Variants in MAPKAP1 observed in about 807,000 individuals in gnomAD.
MAPKAP1 encodes the protein MAPK associated protein 1.
MAPKAP1 carries 20 observed loss-of-function variants against 65.7 expected under a neutral mutation model. That is an observed-to-expected ratio of 0.30 (90% confidence interval 0.21 to 0.44). The LOEUF (loss-of-function observed/expected upper bound fraction) is 0.44, where lower values mean the gene tolerates loss of function less well. Among genes scored for constraint, MAPKAP1 ranks in the 20% least tolerant of loss-of-function variants. The pLI is 1.00. For missense variants in MAPKAP1, 423 were observed against 648.0 expected, an observed-to-expected ratio of 0.65 and a Z score of 3.77; for synonymous variants, 222 against 244.3, an observed-to-expected ratio of 0.91 and a Z score of 0.85.
chr9:125,624,693 G>A (rs1833042260), intron 4 of MAPKAP1, among the ~76,000 whole-genome samples: 1 of 74,766 alleles, frequency 1.3e-5, no homozygotes, highest in African/African-American at 4.8e-5. Context: ...CCCCTACTGG[G>A]AAGTGAGGAG....
intron 2 of MAPKAP1, among the ~76,000 whole-genome samples, chr9:125,670,479 C>G (rs1017384168): frequency 3.9e-5 from 6 of 152,118 alleles, no homozygotes; most frequent in African/African-American, 1.4e-4. Flanking sequence ...TGATTTGTAT[C>G]TTTGTAACAT....
At chr9:125,517,006 T>G (rs1270293320) in intron 7 of MAPKAP1, among the ~76,000 whole-genome samples, 2 of 152,192 alleles carry the variant, frequency 1.3e-5, no homozygotes, top group Non-Finnish European at 2.9e-5. Context: ...CGCATCTTCA[T>G]AAAACTCTAT....
intron 8 of MAPKAP1, among the ~76,000 whole-genome samples, chr9:125,505,696 G>C (rs1205155427): frequency 6.6e-6 from 1 of 152,212 alleles, no homozygotes; most frequent in East Asian, 1.9e-4. Flanking sequence ...GAGCATTCCA[G>C]GTGGAAGAAA....
At chr9:125,650,278 T>G (rs138206890) in intron 4 of MAPKAP1, 2 of 152,316 alleles carry the variant, frequency 1.3e-5, no homozygotes, top group African/African-American at 4.8e-5. Context: ...TCAAAACAAA[T>G]TTGATTACCT....
chr9:125,555,220 G>A (rs1326671853), intron 6 of MAPKAP1, among the ~76,000 whole-genome samples: 1 of 152,130 alleles, frequency 6.6e-6, no homozygotes, highest in Non-Finnish European at 1.5e-5. Context: ...GATAAACATT[G>A]AGACTTTAGG....
chr9:125,589,757 A>G (rs1831897861), intron 4 of MAPKAP1, among the ~76,000 whole-genome samples: 1 of 152,134 alleles, frequency 6.6e-6, no homozygotes, highest in Admixed American at 6.5e-5. Flanking sequence ...CCTCAGCCTC[A>G]TCTGTATGTT....
In MAPKAP1 at chr9:125,547,245, A is replaced by C. The variant is rs372732786; in HGVS notation, c.849-4077T>G. ...CAGTAAGCGAGAGGCAATGGGAGCC[A>C]CGGAGCCCACAGGGACACAGGTCTT... is the stretch of plus-strand genomic sequence containing the variant. On this transcript the variant is annotated intron_variant, in intron 6 of 11. Coordinates refer to ENST00000265960, the MANE Select transcript of MAPKAP1 (RefSeq NM_001006617.3). 8.3e-4 allele frequency among the ~76,000 whole-genome samples: 127 copies of C among 152,332 alleles called. 2 individuals carry two copies. The South Asian group carries it at 0.025, about 30-fold the overall frequency.
chr9:125,636,150 C>T (rs1416869470), intron 4 of MAPKAP1, among the ~76,000 whole-genome samples: 1 of 152,104 alleles, frequency 6.6e-6, no homozygotes, highest in Non-Finnish European at 1.5e-5. Flanking sequence ...TCAGAGTGAA[C>T]CCTGGGGAAC....
intron 8 of MAPKAP1, among the ~76,000 whole-genome samples, chr9:125,496,983 T>G (rs1291435778): frequency 6.6e-6 from 1 of 152,062 alleles, no homozygotes; most frequent in African/African-American, 2.4e-5. Context: ...CAGTCTAGTG[T>G]GGGACTTGGC....
At chr9:125,684,248 C>A (rs1218438481) in intron 1 of MAPKAP1, among the ~76,000 whole-genome samples, 1 of 152,124 alleles carries the variant, frequency 6.6e-6, no homozygotes, top group Non-Finnish European at 1.5e-5. Context: ...CAAATGGAAG[C>A]CGGTTTTTCT....
intron 2 of MAPKAP1, among the ~76,000 whole-genome samples, chr9:125,671,282 AT>A (rs1284074296): frequency 1.3e-5 from 2 of 152,232 alleles, no homozygotes; most frequent in African/African-American, 4.8e-5. Flanking sequence ...TATTTTCATC[AT>A]GAGAGCAAAT....
chr9:125,512,552 C>T lies in MAPKAP1; in HGVS notation c.959-6135G>A, dbSNP rs549145995. ...AATCTTTATGTTTCTTTTCCTCTCA[C>T]GTAGTTTATTGGTTCGTATGTATAC... is the stretch of plus-strand genomic sequence containing the variant. On this transcript the variant is annotated intron_variant, in intron 7 of 11. Coordinates refer to ENST00000265960, the MANE Select transcript of MAPKAP1 (RefSeq NM_001006617.3). Among the ~76,000 whole-genome samples the T allele has an allele frequency of 6.8e-4, 104 of 152,114 alleles. 4 individuals carry two copies. In the South Asian group the frequency reaches 0.02, roughly 29 times the overall value.
At chr9:125,604,635 C>T (rs1445263619) in intron 4 of MAPKAP1, among the ~76,000 whole-genome samples, 2 of 152,204 alleles carry the variant, frequency 1.3e-5, no homozygotes, top group Admixed American at 1.3e-4. Flanking sequence ...AGCAGGAACA[C>T]TGATAATTTC....
chr9:125,679,050 G>A (rs1332042939), intron 1 of MAPKAP1, among the ~76,000 whole-genome samples: 2 of 151,494 alleles, frequency 1.3e-5, no homozygotes, highest in Non-Finnish European at 2.9e-5. Flanking sequence ...CGTCCAGGCT[G>A]GAGTGCAGCA....
intron 7 of MAPKAP1, among the ~76,000 whole-genome samples, chr9:125,538,817 C>A (rs1830149218): frequency 1.3e-5 from 2 of 152,162 alleles, no homozygotes; most frequent in Non-Finnish European, 1.5e-5. Flanking sequence ...ATCCTTAGGT[C>A]TGACACAGGG....
chr9:125,551,268 T>C (rs1386657577), intron 6 of MAPKAP1, among the ~76,000 whole-genome samples: 1 of 152,122 alleles, frequency 6.6e-6, no homozygotes, highest in Non-Finnish European at 1.5e-5. Flanking sequence ...TTAATAAAGG[T>C]CTGGTCACTT....
rs112823300 is a variant in MAPKAP1, at chr9:125,627,233, A to G, written c.498+30418T>C. Among the ~76,000 whole-genome samples, 613 of 152,326 alleles carry G rather than the reference A, an allele frequency of 4.0e-3. 3 individuals are homozygous for G. Among genetic ancestry groups the G allele is most frequent in the African/African-American group, 0.014 (587 of 41,566 alleles). On this transcript the variant is annotated intron_variant, in intron 4 of 11. Transcript: ENST00000265960. Reference sequence around the variant, plus strand: ...CCTGTAATCCATGACGCCTTCTGATAACTTAAAAAATTTCACACTACCCCA... The same window carrying G: ...CCTGTAATCCATGACGCCTTCTGATGACTTAAAAAATTTCACACTACCCCA...
chr9:125,465,788 G>A (rs1463942104), intron 10 of MAPKAP1, among the ~76,000 whole-genome samples: 3 of 152,184 alleles, frequency 2.0e-5, no homozygotes, highest in Non-Finnish European at 4.4e-5. Context: ...AGAGGCATGT[G>A]CAAACTCCTG....
intron 1 of MAPKAP1, among the ~76,000 whole-genome samples, chr9:125,673,689 G>T (rs1322991693): frequency 6.6e-6 from 1 of 152,082 alleles, no homozygotes; most frequent in Non-Finnish European, 1.5e-5. Context: ...GGGGGCCGAG[G>T]CAGGAGGACT....
Sources: allele counts gnomAD v4.1 joint callset (sites outside exome capture counted in the v4.1 genomes callset), GRCh38; gene constraint gnomAD v4.1.1; transcripts MANE v1.5; gene names NCBI Gene and HGNC (gene_info 2026-07-23, HGNC 2026-07-21).